Variants in LARGE1 observed in about 807,000 individuals in gnomAD.
The protein encoded by LARGE1 is LARGE xylosyl- and glucuronyltransferase 1.
LARGE1 carries 43 observed loss-of-function variants against 87.6 expected under a neutral mutation model. That is an observed-to-expected ratio of 0.49 (90% CI 0.38 to 0.63). The LOEUF (loss-of-function observed/expected upper bound fraction) is 0.63. Among genes scored for constraint, LARGE1 ranks in the 30% least tolerant of loss-of-function variants. The probability of loss-of-function intolerance (pLI) is 0.00; values close to 1 mark genes in which losing one functional copy is unlikely to be tolerated. For synonymous variants in LARGE1, 434 were observed against 394.6 expected (o/e 1.10, Z -1.18); for missense variants, 802 against 1,000.2 (o/e 0.80, Z 2.67).
At chr22:33,748,580 A>T (rs919089495) in intron 2 of LARGE1, among the ~76,000 whole-genome samples, 1 of 152,182 alleles carries the variant, frequency 6.6e-6, no homozygotes, top group Non-Finnish European at 1.5e-5. Flanking sequence ...ATTTACGCAG[A>T]GTCAATTTGC....
At chr22:33,127,445 C>A in the LARGE1 span, among the ~76,000 whole-genome samples, 53,313 of 152,054 alleles carry the variant, frequency 0.35, 9,544 homozygotes, top group South Asian at 0.46. Context: ...ATTACCTCTT[C>A]TGACCATCCA....
At chr22:33,417,020 CT>C (rs1196960558) in intron 7 of LARGE1, among the ~76,000 whole-genome samples, 11 of 150,274 alleles carry the variant, frequency 7.3e-5, no homozygotes, top group African/African-American at 2.7e-4. Flanking sequence ...GATTCTCCTG[CT>C]TCAGCCTCCC....
intron 7 of LARGE1, among the ~76,000 whole-genome samples, chr22:33,406,397 G>C (rs1601728870): frequency 6.6e-6 from 1 of 152,092 alleles, no homozygotes; most frequent in African/African-American, 2.4e-5. Context: ...TGCATCTTGG[G>C]ATTTTTCTCC....
chr22:33,775,636 G>C (rs541063941), intron 1 of LARGE1, among the ~76,000 whole-genome samples: 1 of 152,288 alleles, frequency 6.6e-6, no homozygotes, highest in African/African-American at 2.4e-5. Flanking sequence ...TGGATCACCT[G>C]AGGTCAGGAG....
Position 33,307,938 on chromosome 22 carries a change from T to C in LARGE1, c.1452-3431A>G, listed in dbSNP as rs1419990410. 2.0e-5 allele frequency among the ~76,000 whole-genome samples: 3 copies of C among 152,184 alleles called. No individual in the cohort carries two copies. In the East Asian group the frequency reaches 5.8e-4, roughly 29 times the overall value. On this transcript the variant is annotated intron_variant, in intron 11 of 14. Transcript: ENST00000397394. Reference sequence around the variant, plus strand: ...CTGATGCCAAGCTCTGTGGCCAGGCTTTCTTTTGCTGGATGAGTCCATGGA... The same window carrying C: ...CTGATGCCAAGCTCTGTGGCCAGGCCTTCTTTTGCTGGATGAGTCCATGGA...
At chr22:33,357,467 A>G (rs1941002788) in intron 9 of LARGE1, among the ~76,000 whole-genome samples, 1 of 152,192 alleles carries the variant, frequency 6.6e-6, no homozygotes, top group Admixed American at 6.5e-5. Context: ...TAATATATCC[A>G]TGTAACAAAA....
intron 11 of LARGE1, among the ~76,000 whole-genome samples, chr22:33,313,437 T>C (rs544509390): frequency 2.6e-5 from 4 of 152,344 alleles, no homozygotes; most frequent in African/African-American, 9.6e-5. Flanking sequence ...TACCTGTCAG[T>C]GACAGGCAGA....
At chr22:33,483,194 T>C (rs1211738245) in intron 6 of LARGE1, among the ~76,000 whole-genome samples, 1 of 152,190 alleles carries the variant, frequency 6.6e-6, no homozygotes, top group African/African-American at 2.4e-5. Context: ...CACTAAGGGT[T>C]ACATAGCATC....
intron 9 of LARGE1, among the ~76,000 whole-genome samples, chr22:33,340,474 C>T (rs1203216090): frequency 6.6e-6 from 1 of 151,908 alleles, no homozygotes; most frequent in African/African-American, 2.4e-5. Context: ...GGGAAAGACC[C>T]CATGAGGACT....
chr22:33,484,753 G>A (rs1341766981), intron 6 of LARGE1, among the ~76,000 whole-genome samples: 1 of 152,102 alleles, frequency 6.6e-6, no homozygotes, highest in Non-Finnish European at 1.5e-5. Context: ...CCCCCGGTCT[G>A]GTTATTCCTG....
chr22:33,316,673 G>A (rs1027727344), intron 10 of LARGE1, among the ~76,000 whole-genome samples: 1 of 152,088 alleles, frequency 6.6e-6, no homozygotes, highest in African/African-American at 2.4e-5. Flanking sequence ...GGACATGGAG[G>A]CTGCAGTGAG....
At chr22:33,086,286 T>C in the LARGE1 span, among the ~76,000 whole-genome samples, 16 of 152,152 alleles carry the variant, frequency 1.1e-4, no homozygotes, top group Non-Finnish European at 2.1e-4. Context: ...CTTTGGCAGA[T>C]ATAAAAGAGT....
At chr22:33,710,271 C>G (rs2082693889) in intron 2 of LARGE1, among the ~76,000 whole-genome samples, 1 of 151,606 alleles carries the variant, frequency 6.6e-6, no homozygotes. Context: ...GAGGAATAAG[C>G]AGTCTGGGGA....
intron 6 of LARGE1, among the ~76,000 whole-genome samples, chr22:33,533,650 T>G (rs905009547): frequency 2.0e-5 from 3 of 152,146 alleles, no homozygotes; most frequent in Non-Finnish European, 4.4e-5. Flanking sequence ...ACTCAATAAA[T>G]GTATGTTTGT....
At chr22:33,672,157 T>C (rs1396110702) in intron 2 of LARGE1, among the ~76,000 whole-genome samples, 1 of 152,106 alleles carries the variant, frequency 6.6e-6, no homozygotes, top group Non-Finnish European at 1.5e-5. Context: ...AGAGAGATGT[T>C]ATAAAGCCTG....
intron 2 of LARGE1, among the ~76,000 whole-genome samples, chr22:33,691,861 G>C (rs76627168): frequency 6.6e-6 from 1 of 152,130 alleles, no homozygotes; most frequent in Non-Finnish European, 1.5e-5. Context: ...CTGGACTCTA[G>C]GAGAGCAGTT....
chr22:33,878,620 T>A (rs1209528728), intron 1 of LARGE1, among the ~76,000 whole-genome samples: 1 of 152,114 alleles, frequency 6.6e-6, no homozygotes, highest in East Asian at 1.9e-4. Context: ...GTGCCTGAGG[T>A]CAAGCGGCTA....
chr22:33,235,515 G>A (rs781685081), intron 11 of LARGE1, among the ~76,000 whole-genome samples: 1 of 152,164 alleles, frequency 6.6e-6, no homozygotes, highest in Non-Finnish European at 1.5e-5. Context: ...GCAAATGTTG[G>A]CTGAGGCTGT....
chr22:33,146,705 G>A, the LARGE1 span, among the ~76,000 whole-genome samples: 1 of 151,650 alleles, frequency 6.6e-6, no homozygotes, highest in African/African-American at 2.4e-5. Flanking sequence ...ATACTACTTA[G>A]GACTAGACTT....
Sources: allele counts gnomAD v4.1 joint callset (sites outside exome capture counted in the v4.1 genomes callset), GRCh38; gene constraint gnomAD v4.1.1; transcripts MANE v1.5; gene names NCBI Gene and HGNC (gene_info 2026-07-23, HGNC 2026-07-21).